Variants in TRMO observed in about 807,000 individuals in gnomAD.
TRMO encodes tRNA (adenine(37)-N6)-methyltransferase.
TRMO carries 30 observed loss-of-function variants against 37.2 expected under a neutral mutation model. The observed-to-expected ratio is 0.81, with a 90% CI of 0.60 to 1.09. The LOEUF is 1.09. Ranked by LOEUF, TRMO falls within the 50% of genes least tolerant of loss-of-function variation. The probability of loss-of-function intolerance (pLI) is 0.00; values close to 1 mark genes in which losing one functional copy is unlikely to be tolerated. For missense variants in TRMO, 552 were observed against 549.5 expected (o/e 1.00, Z -0.05); for synonymous variants, 239 against 199.4 (o/e 1.20, Z -1.67).
At chr9:97,905,845 A>G (rs968684861) in intron 4 of TRMO, among the ~76,000 whole-genome samples, 5 of 152,192 alleles carry the variant, frequency 3.3e-5, no homozygotes, top group Admixed American at 1.3e-4. Context: ...GCCATGAAGT[A>G]CAATTTTTAG....
At chr9:97,913,045 G>T in intron 3 of TRMO, 1 of 660,678 alleles carries the variant, frequency 1.5e-6, no homozygotes, top group Non-Finnish European at 2.5e-6. Context: ...GAGTTATTGT[G>T]TGTTAAATTG....
rs751488458 is a variant in TRMO at position 97,922,451 on chromosome 9, G to A, written c.43C>T (p.Pro15Ser). The A allele has an allele frequency of 5.0e-6, 8 of 1,588,476 alleles. No individual in the cohort carries two copies. The highest frequency in any genetic ancestry group is 2.3e-5 in the East Asian group (1 of 43,868). Residue 15 changes from proline (P) to serine (S), a missense_variant, in exon 1 of 5, where the codon CCG becomes TCG. Transcript: ENST00000375119. ...EESGPRPTATPCGCVKPALET... is the reference protein window; with the variant it reads ...EESGPRPTATSCGCVKPALET... Reference sequence around the variant, plus strand: ...AGAGCCGGCTTAACGCAGCCGCACGGGGTCGCTGTAGGCCGAGGCCCCGAC... The same window carrying A: ...AGAGCCGGCTTAACGCAGCCGCACGAGGTCGCTGTAGGCCGAGGCCCCGAC...
At chr9:97,916,421 G>A in intron 1 of TRMO, 83 bp from the exon 2 acceptor site, 2 of 927,132 alleles carry the variant, frequency 2.2e-6, no homozygotes, top group South Asian at 3.4e-5. Flanking sequence ...TAATGCATTG[G>A]TTTCATAGTT....
At chr9:97,921,523 T>G (rs542937673) in intron 1 of TRMO, among the ~76,000 whole-genome samples, 486 of 151,734 alleles carry the variant, frequency 3.2e-3, no homozygotes, top group African/African-American at 0.011. Context: ...CCCGGGTTCA[T>G]GCCATTCTCC....
rs768675466 is a variant in TRMO, at chr9:97,910,346, G to T, written c.680C>A (p.Ser227Ter). 5.6e-6 allele frequency: 9 copies of T among 1,614,208 alleles called. No individual in the cohort carries two copies. The South Asian group carries it at 9.9e-5, about 18-fold the overall frequency. Residue 227 changes from serine to a stop codon, truncating the protein, a stop_gained, in exon 4 of 5, where the codon TCA (serine) becomes TAA (stop). Coordinates refer to ENST00000375119, the MANE Select transcript of TRMO (RefSeq NM_016481.5). LOFTEE classifies it high-confidence loss of function. ...RKPKCPEDRTSEENYLTHSDT... is the reference protein window; with the variant it reads ...RKPKCPEDRT ...ACTGTGTGTCAGGTAGTTTTCTTCT[G>T]AAGTTCTGTCTTCAGGACATTTAGG... is the stretch of plus-strand genomic sequence containing the variant.
At chr9:97,919,927 G>A (rs1376648117) in intron 1 of TRMO, among the ~76,000 whole-genome samples, 2 of 152,028 alleles carry the variant, frequency 1.3e-5, no homozygotes, top group African/African-American at 4.8e-5. Context: ...AAAATGTTTG[G>A]GACCACTCTC....
chr9:97,908,272 T>A (rs377126237), intron 4 of TRMO, among the ~76,000 whole-genome samples: 63 of 151,838 alleles, frequency 4.1e-4, no homozygotes, highest in African/African-American at 1.4e-3. Flanking sequence ...ATTAGCTGGG[T>A]GTGGTGGCGG....
chr9:97,912,367 C>A (rs1826165371), intron 3 of TRMO: 3 of 154,142 alleles, frequency 1.9e-5, no homozygotes, highest in Non-Finnish European at 2.9e-5. Context: ...GCACCTAGGA[C>A]AATGTCTGGC....
rs1223339913 is a variant in TRMO at position 97,922,444 on chromosome 9, C to T, written c.50G>A (p.Gly17Asp). 2 of 1,587,180 alleles carry T rather than the reference C, an allele frequency of 1.3e-6. No homozygotes were observed. The highest frequency in any genetic ancestry group is 1.3e-5 in the African/African-American group (1 of 74,662). Reference protein sequence around the residue: ...SGPRPTATPCGCVKPALETGN... With the variant: ...SGPRPTATPCDCVKPALETGN... ...TGTCTCCAGAGCCGGCTTAACGCAG[C>T]CGCACGGGGTCGCTGTAGGCCGAGG... Residue 17 changes from glycine (G) to aspartate (D), a missense_variant, in exon 1 of 5, where the codon GGC (glycine) becomes GAC (aspartate). Gly to Asp is a moderately conservative substitution (Grantham distance 94). Transcript: ENST00000375119.
chr9:97,905,783 G>C (rs1825829115), intron 4 of TRMO, among the ~76,000 whole-genome samples: 1 of 152,106 alleles, frequency 6.6e-6, no homozygotes, highest in Admixed American at 6.5e-5. Context: ...ATTTCTACAA[G>C]CAGCCAAAAA....
At chr9:97,902,401 A>G (rs1825694093), downstream of TRMO, among the ~76,000 whole-genome samples, 1 of 152,202 alleles carries the variant, frequency 6.6e-6, no homozygotes, top group Non-Finnish European at 1.5e-5. Flanking sequence ...CCCAGGTTCA[A>G]GCGATTCTCC....
intron 1 of TRMO, among the ~76,000 whole-genome samples, chr9:97,921,071 G>T (rs1826605948): frequency 6.6e-6 from 1 of 152,190 alleles, no homozygotes; most frequent in South Asian, 2.1e-4. Context: ...GTAATCGGCA[G>T]TGTGCAACAA....
chr9:97,910,451 T>C lies in TRMO; in HGVS notation c.575A>G (p.Asp192Gly). The C allele has an allele frequency of 6.2e-7, 1 of 1,614,148 alleles. No homozygotes were observed. Among genetic ancestry groups the C allele is most frequent in the Non-Finnish European group, 8.5e-7 (1 of 1,179,976 alleles). Reference sequence around the variant, plus strand: ...CTGGTCACAGCTGTCAGTCTTGCTGTCAGACTGGGACACAGTGTTTGGTGT... The same window carrying C: ...CTGGTCACAGCTGTCAGTCTTGCTGCCAGACTGGGACACAGTGTTTGGTGT... Reference protein sequence around the residue: ...QHTPNTVSQSDSKTDSCDQRQ... With the variant: ...QHTPNTVSQSGSKTDSCDQRQ... Residue 192 changes from aspartate (D) to glycine (G), a missense_variant, in exon 4 of 5, where the codon GAC (aspartate) becomes GGC (glycine). By Grantham distance (94) the Asp-to-Gly change is moderately conservative. Coordinates refer to ENST00000375119, the MANE Select transcript of TRMO (RefSeq NM_016481.5).
At chr9:97,922,300 G>C in intron 1 of TRMO, 118 bp downstream of exon 1, 2 of 710,556 alleles carry the variant, frequency 2.8e-6, no homozygotes, top group African/African-American at 1.8e-5. Context: ...TTCGCCGTAG[G>C]TAAAAGAATG....
At chr9:97,909,823 ATAT>A in intron 4 of TRMO, 134 bp downstream of exon 4, 1 of 628,768 alleles carries the variant, frequency 1.6e-6, no homozygotes, top group Non-Finnish European at 2.7e-6. Flanking sequence ...TACTGCAAAA[ATAT>A]TATTTTATAC....
chr9:97,897,744 T>C, the TRMO span, among the ~76,000 whole-genome samples: 4 of 152,282 alleles, frequency 2.6e-5, no homozygotes. Flanking sequence ...ATGTTTTTTA[T>C]ATCTTGAATT....
rs2131546322 is a variant in TRMO, at chr9:97,922,459, G to A, written c.35C>T (p.Thr12Ile). The change falls in exon 1 of 5, where the codon ACA (threonine) becomes ATA (isoleucine). Residue 12 changes from threonine (T) to isoleucine (I), a missense_variant. By Grantham distance (89) the Thr-to-Ile change is moderately conservative. Coordinates refer to ENST00000375119, the MANE Select transcript of TRMO (RefSeq NM_016481.5). ...RGLEESGPRP[T>I]ATPCGCVKPA... ...CTTAACGCAGCCGCACGGGGTCGCT[G>A]TAGGCCGAGGCCCCGACTCCTCCAA... The A allele has an allele frequency of 1.3e-6, 2 of 1,588,126 alleles. No homozygotes were observed. The highest frequency in any genetic ancestry group is 1.7e-6 in the Non-Finnish European group (2 of 1,168,416).
chr9:97,909,215 G>A (rs1260478847), intron 4 of TRMO, among the ~76,000 whole-genome samples: 2 of 152,182 alleles, frequency 1.3e-5, no homozygotes, highest in Non-Finnish European at 2.9e-5. Context: ...GCCTCCCAAA[G>A]TGCTGGGATT....
chr9:97,903,496 A>G (rs2131510110), downstream of TRMO, among the ~76,000 whole-genome samples: 1 of 152,344 alleles, frequency 6.6e-6, no homozygotes, highest in East Asian at 1.9e-4. Context: ...TGATTAGGAA[A>G]GCATGTATCA....
Sources: gnomAD v4.1 joint callset for allele counts (sites outside exome capture counted in the v4.1 genomes callset) on GRCh38, gnomAD v4.1.1 for gene constraint, MANE v1.5 for transcripts, NCBI Gene and HGNC (gene_info 2026-07-23, HGNC 2026-07-21) for gene names.